MAP4K3: variants seen among roughly 807,000 people sequenced by gnomAD.
The protein encoded by MAP4K3 is mitogen-activated protein kinase kinase kinase kinase 3, also known as MAPK/ERK kinase kinase kinase 3.
MAP4K3 carries 94 observed loss-of-function variants against 143.5 expected under a neutral mutation model. The ratio of observed to expected loss-of-function variants is 0.65; its 90% CI spans 0.55 to 0.78. The LOEUF (loss-of-function observed/expected upper bound fraction) is 0.78. Ranked by LOEUF, MAP4K3 falls within the 30% of genes least tolerant of loss-of-function variation. The pLI, the probability that MAP4K3 is intolerant of heterozygous loss-of-function variation, is 0.00. For synonymous variants in MAP4K3, 416 were observed against 347.2 expected (o/e 1.20, Z -2.20); for missense variants, 1,077 against 1,068.1 (o/e 1.01, Z -0.12).
At chr2:39,353,619 T>G (rs1241447570) in intron 3 of MAP4K3, among the ~76,000 whole-genome samples, 1 of 152,202 alleles carries the variant, frequency 6.6e-6, no homozygotes, top group East Asian at 1.9e-4. Context: ...CTCTCAAGAA[T>G]CTTATTTGTA....
At chr2:39,392,183 C>CAAAAAAAAAAAAAAAAAAAAAAAAAAA (rs3086434) in intron 1 of MAP4K3, among the ~76,000 whole-genome samples, 1 of 69,052 alleles carries the variant, frequency 1.4e-5, no homozygotes, top group Non-Finnish European at 2.6e-5. Context: ...CACTCCTACT[C>CAAAAAAAAAAAAAAAAAAAAAAAAAAA]AAAAAAAAAA....
Position 39,346,976 on chromosome 2 carries a change from G to C in MAP4K3, c.246-3524C>G, listed in dbSNP as rs77043135. On this transcript the variant is annotated intron_variant, in intron 3 of 33. Transcript: ENST00000263881. Reference sequence around the variant, plus strand: ...TTGAATCCTTCCTCTAAAAGAGTGAGTGGTTCTCAAAGTGTGATCTGGAGG... The same window carrying C: ...TTGAATCCTTCCTCTAAAAGAGTGACTGGTTCTCAAAGTGTGATCTGGAGG... Among the ~76,000 whole-genome samples, 953 of 152,106 alleles carry C rather than the reference G, an allele frequency of 6.3e-3. 5 individuals are homozygous for C. The highest frequency in any genetic ancestry group is 9.0e-3 in the Non-Finnish European group (612 of 68,012).
chr2:39,432,773 G>A (rs1665330603), intron 1 of MAP4K3, among the ~76,000 whole-genome samples: 1 of 152,022 alleles, frequency 6.6e-6, no homozygotes, highest in Non-Finnish European at 1.5e-5. Flanking sequence ...TTATTTTACT[G>A]CCCAATCCTC....
At chr2:39,379,310 C>G (rs1666301724) in intron 1 of MAP4K3, among the ~76,000 whole-genome samples, 1 of 152,032 alleles carries the variant, frequency 6.6e-6, no homozygotes, top group Admixed American at 6.6e-5. Flanking sequence ...TAAGAGATCT[C>G]ATAGAAATTA....
In MAP4K3 at chr2:39,277,137, T is replaced by C. The variant is rs114532807; in HGVS notation, c.1794+1270A>G. On this transcript the variant is annotated intron_variant, in intron 24 of 33. Coordinates refer to ENST00000263881, the MANE Select transcript of MAP4K3 (RefSeq NM_003618.4). ...TCTCTCACCGTACTGCAAACAGATA[T>C]TTCTAAAACACAGGTCTGTTCCATC... Among the ~76,000 whole-genome samples the C allele has an allele frequency of 8.6e-3, 1,308 of 152,336 alleles. 8 individuals carry two copies. The highest frequency in any genetic ancestry group is 0.015 in the Non-Finnish European group (1,017 of 68,020).
chr2:39,375,296 G>A (rs907353961), intron 2 of MAP4K3, among the ~76,000 whole-genome samples: 9 of 151,940 alleles, frequency 5.9e-5, no homozygotes, highest in East Asian at 1.9e-4. Flanking sequence ...AAATGTGAGC[G>A]TAACACCACT....
chr2:39,360,976 G>A (rs185315135), intron 2 of MAP4K3, among the ~76,000 whole-genome samples: 1 of 152,090 alleles, frequency 6.6e-6, no homozygotes, highest in East Asian at 1.9e-4. Context: ...CCCTGAAAAG[G>A]TCCCTTATTT....
intron 32 of MAP4K3, among the ~76,000 whole-genome samples, chr2:39,254,248 A>T (rs966946663): frequency 6.6e-6 from 1 of 152,234 alleles, no homozygotes; most frequent in South Asian, 2.1e-4. Flanking sequence ...AGCACATTAA[A>T]TATGCACTAA....
At chr2:39,337,046 A>G (rs947642664) in intron 5 of MAP4K3, 79 bp from the exon 6 acceptor site, 5 of 674,764 alleles carry the variant, frequency 7.4e-6, no homozygotes, top group Non-Finnish European at 1.3e-5. Context: ...TCAAATGGGT[A>G]GTATTCTGTG....
chr2:39,377,788 C>T (rs905373878), intron 2 of MAP4K3, among the ~76,000 whole-genome samples: 9 of 152,170 alleles, frequency 5.9e-5, no homozygotes, highest in African/African-American at 2.2e-4. Flanking sequence ...CCACTATCAG[C>T]TTGTCACAAG....
chr2:39,297,370 G>A lies in MAP4K3; in HGVS notation c.1178+2373C>T, dbSNP rs538271447. 9.2e-5 allele frequency among the ~76,000 whole-genome samples: 14 copies of A among 152,044 alleles called. No individual in the cohort carries two copies. In the South Asian group the frequency reaches 1.2e-3, roughly 14 times the overall value. On this transcript the variant is annotated intron_variant, in intron 16 of 33. Transcript: ENST00000263881. Reference sequence around the variant, plus strand: ...TGACCTCAGGTGATCTACTCGCCTCGGCCTCCAAAAGTGCTGGGATTACAG... The same window carrying A: ...TGACCTCAGGTGATCTACTCGCCTCAGCCTCCAAAAGTGCTGGGATTACAG...
At chr2:39,429,094 T>C (rs1315894172) in intron 1 of MAP4K3, among the ~76,000 whole-genome samples, 14 of 113,646 alleles carry the variant, frequency 1.2e-4, no homozygotes, top group African/African-American at 1.6e-4. Flanking sequence ...AAAAAAGGAG[T>C]CCATATGCTC....
chr2:39,429,186 T>C (rs1323442583), intron 1 of MAP4K3, among the ~76,000 whole-genome samples: 1 of 151,506 alleles, frequency 6.6e-6, no homozygotes, highest in African/African-American at 2.4e-5. Flanking sequence ...ACTGAAAATA[T>C]GGCTCACATT....
chr2:39,305,137 T>G (rs1682656281), intron 15 of MAP4K3, among the ~76,000 whole-genome samples: 1 of 152,168 alleles, frequency 6.6e-6, no homozygotes, highest in Non-Finnish European at 1.5e-5. Flanking sequence ...TGGAGAGTGG[T>G]GGCAGCTGCG....
At chr2:39,289,170 C>T (rs1231182364) in intron 19 of MAP4K3, among the ~76,000 whole-genome samples, 3 of 152,140 alleles carry the variant, frequency 2.0e-5, no homozygotes, top group South Asian at 2.1e-4. Context: ...AGTTGGCTGA[C>T]GGTTTGTAGA....
At chr2:39,344,072 G>A (rs751839940) in intron 3 of MAP4K3, among the ~76,000 whole-genome samples, 9 of 152,068 alleles carry the variant, frequency 5.9e-5, no homozygotes, top group Non-Finnish European at 1.0e-4. Context: ...TACCATTCAT[G>A]GTACAGAGAT....
chr2:39,292,511 C>T (rs941694915), intron 18 of MAP4K3, among the ~76,000 whole-genome samples: 8 of 152,206 alleles, frequency 5.3e-5, no homozygotes, highest in Admixed American at 3.3e-4. Context: ...AGGCAGCCCT[C>T]ACCAAGTTGG....
chr2:39,398,968 C>T (rs1010945000), intron 1 of MAP4K3, among the ~76,000 whole-genome samples: 2 of 150,176 alleles, frequency 1.3e-5, no homozygotes, highest in African/African-American at 4.9e-5. Context: ...CGCTTGAACC[C>T]AGGAGGTGGA....
chr2:39,270,988 T>C (rs1680995566), intron 26 of MAP4K3, among the ~76,000 whole-genome samples: 1 of 151,958 alleles, frequency 6.6e-6, no homozygotes. Flanking sequence ...TTGACTATAA[T>C]AAAATTCCTG....
Sources: gnomAD v4.1 joint callset for allele counts (sites outside exome capture counted in the v4.1 genomes callset) on GRCh38, gnomAD v4.1.1 for gene constraint, MANE v1.5 for transcripts, NCBI Gene and HGNC (gene_info 2026-07-23, HGNC 2026-07-21) for gene names.